Variants in ALX4 observed in about 807,000 individuals in gnomAD.
The protein encoded by ALX4 is ALX homeobox 4.
ALX4 carries 22 observed loss-of-function variants against 40.6 expected under a neutral mutation model. The ratio of observed to expected loss-of-function variants is 0.54; its 90% confidence interval spans 0.39 to 0.77. The LOEUF (loss-of-function observed/expected upper bound fraction) is 0.77. Among genes scored for constraint, ALX4 ranks in the 30% least tolerant of loss-of-function variants. The probability of loss-of-function intolerance (pLI) is 0.00; values close to 1 mark genes in which losing one functional copy is unlikely to be tolerated. For synonymous variants in ALX4, 266 were observed against 240.5 expected (o/e 1.11, Z -0.98); for missense variants, 556 against 564.8 (o/e 0.98, Z 0.16).
At chr11:44,299,254 T>A (rs1956421057) in intron 1 of ALX4, among the ~76,000 whole-genome samples, 1 of 151,956 alleles carries the variant, frequency 6.6e-6, no homozygotes, top group African/African-American at 2.4e-5. Context: ...CAGAGTCAGG[T>A]GTAGAACTTC....
chr11:44,278,938 G>A (rs1183909244), intron 1 of ALX4, among the ~76,000 whole-genome samples: 2 of 152,204 alleles, frequency 1.3e-5, no homozygotes, highest in African/African-American at 2.4e-5. Flanking sequence ...AACCTGTCTT[G>A]AGTCAGCTTG....
rs150180406 is a variant in ALX4 at position 44,274,541 on chromosome 11, T to G, written c.777+807A>C. Among the ~76,000 whole-genome samples, 8 of 152,274 alleles carry G rather than the reference T, an allele frequency of 5.3e-5. No individual in the cohort carries two copies. In the East Asian group the frequency reaches 1.5e-3, roughly 29 times the overall value. On this transcript the variant is annotated intron_variant, in intron 2 of 3. Coordinates refer to ENST00000652299, the MANE Select transcript of ALX4 (RefSeq NM_021926.4). Reference sequence around the variant, plus strand: ...TCCATTGGAATGTGTTATATTGGGTTGTGTTGTGTTGGAATGGGTTGAGTT... The same window carrying G: ...TCCATTGGAATGTGTTATATTGGGTGGTGTTGTGTTGGAATGGGTTGAGTT...
intron 1 of ALX4, among the ~76,000 whole-genome samples, chr11:44,291,725 C>G (rs1228305766): frequency 2.0e-5 from 3 of 152,140 alleles, no homozygotes; most frequent in Non-Finnish European, 4.4e-5. Context: ...AATTTCTTAG[C>G]CTGCAGAAGC....
At chr11:44,275,289 C>T in intron 2 of ALX4, 59 bp downstream of exon 2, 3 of 1,583,152 alleles carry the variant, frequency 1.9e-6, no homozygotes, top group Non-Finnish European at 2.6e-6. Flanking sequence ...CAACTGCAGC[C>T]AAGAGCCCAG....
In ALX4 at chr11:44,261,117, G is replaced by A; in HGVS notation, c.*3737C>T. 6.6e-6 allele frequency: 1 copy of A among 152,194 alleles called. No individual in the cohort carries two copies. The highest frequency in any genetic ancestry group is 1.5e-5 in the Non-Finnish European group (1 of 68,056). 9.4% of individuals were successfully genotyped at this position (152,194 alleles called of 1,614,324 possible). A position where few individuals can be genotyped will look rare whatever the true frequency, so the allele number is the denominator to read the frequency against. ...TATTTTTTAACTGGATAGTCACAGAGTATTATCCTGGGGGCCAGTTTACCA... is the reference window on the plus strand; with the variant it reads ...TATTTTTTAACTGGATAGTCACAGAATATTATCCTGGGGGCCAGTTTACCA... On this transcript the variant is annotated 3_prime_UTR_variant, in exon 4 of 4. Transcript: ENST00000652299.
rs1476323980 is a variant in ALX4, at chr11:44,264,896, C to T, written c.1194G>A (p.Met398Ile). ...TGGCCGCACTGTGCTCCTTGGCCTT[C>T]ATGCGGAGGGCCGCGATGCTCGAGG... ...RKTSSIAALR[M>I]KAKEHSAAIS... Residue 398 changes from methionine to isoleucine, a missense_variant, in exon 4 of 4, where the codon ATG (methionine) becomes ATA (isoleucine). By Grantham distance (10) the Met-to-Ile change is conservative. Coordinates refer to ENST00000652299, the MANE Select transcript of ALX4 (RefSeq NM_021926.4). 25 of 1,613,078 alleles carry T rather than the reference C, an allele frequency of 1.5e-5. No individual in the cohort carries two copies. The highest frequency in any genetic ancestry group is 1.9e-5 in the Non-Finnish European group (23 of 1,179,938).
At position 44,264,815 on chromosome 11, in the gene ALX4, C is replaced by T; in HGVS notation, c.*39G>A. 1 of 1,606,098 alleles carries T rather than the reference C, an allele frequency of 6.2e-7. No individual in the cohort carries two copies. Among genetic ancestry groups the T allele is most frequent in the Non-Finnish European group, 8.5e-7 (1 of 1,175,962 alleles). ...GGGCCTGGAAAACATGGGCGTGGCC[C>T]ATGGTGTCCCGAGGTGGGGACGGGG... On this transcript the variant is annotated 3_prime_UTR_variant, in exon 4 of 4. Transcript: ENST00000652299.
At chr11:44,287,627 A>G (rs963758684) in intron 1 of ALX4, among the ~76,000 whole-genome samples, 7 of 151,648 alleles carry the variant, frequency 4.6e-5, no homozygotes, top group African/African-American at 1.7e-4. Context: ...AAAAGAAAAC[A>G]AAAAACTGGT....
intron 1 of ALX4, among the ~76,000 whole-genome samples, chr11:44,307,327 G>T (rs867979432): frequency 6.6e-6 from 1 of 152,216 alleles, no homozygotes; most frequent in Non-Finnish European, 1.5e-5. Context: ...ACACTGCCAC[G>T]GGTTAGGGGC....
Position 44,263,216 on chromosome 11 carries a change from C to G in ALX4, c.*1638G>C, listed in dbSNP as rs1956192660. On this transcript the variant is annotated 3_prime_UTR_variant, in exon 4 of 4. Coordinates refer to ENST00000652299, the MANE Select transcript of ALX4 (RefSeq NM_021926.4). ...TGAGCATAGTGGGCCTGGCCCTACT[C>G]CATGACAGGAATCAAGGGAGAAGGT... 1 of 152,280 alleles carries G rather than the reference C, an allele frequency of 6.6e-6. No homozygotes were observed. The highest frequency in any genetic ancestry group is 6.5e-5 in the Admixed American group (1 of 15,284). The allele number at this position is 152,280 out of a possible 1,614,324, so 9.4% of individuals were successfully genotyped here.
intron 2 of ALX4, among the ~76,000 whole-genome samples, chr11:44,269,039 A>G (rs1321974589): frequency 6.6e-6 from 1 of 152,214 alleles, no homozygotes; most frequent in Non-Finnish European, 1.5e-5. Flanking sequence ...ATCCATCACG[A>G]CCAATGCAGC....
At chr11:44,301,578 T>C (rs867411625) in intron 1 of ALX4, among the ~76,000 whole-genome samples, 1 of 152,202 alleles carries the variant, frequency 6.6e-6, no homozygotes, top group Admixed American at 6.5e-5. Context: ...CTAAGGAGAC[T>C]GAGGCAGAAC....
intron 1 of ALX4, among the ~76,000 whole-genome samples, chr11:44,296,152 C>T (rs185494684): frequency 5.9e-5 from 9 of 152,218 alleles, no homozygotes; most frequent in Non-Finnish European, 1.3e-4. Context: ...CAGATGTAAA[C>T]TCTCAAATAC....
At position 44,265,034 on chromosome 11, in the gene ALX4, C is replaced by T. The variant is rs147215488; in HGVS notation, c.1056G>A (p.Val352=). The part of the protein sequence containing the change: ...GASSVTDFLS[V]SGAGSHVGQT... ...GGCCCACGTGACTGCCAGCCCCAGA[C>T]ACACTCAGGAAGTCGGTGACGCTGC... Residue 352 remains valine, a synonymous_variant, in exon 4 of 4, where the codon GTG becomes GTA. Transcript: ENST00000652299. 1.9e-6 allele frequency: 3 copies of T among 1,613,134 alleles called. No individual in the cohort carries two copies. The highest frequency in any genetic ancestry group is 2.5e-6 in the Non-Finnish European group (3 of 1,179,938).
intron 1 of ALX4, among the ~76,000 whole-genome samples, chr11:44,309,190 G>A (rs1203234208): frequency 1.4e-5 from 2 of 147,160 alleles, no homozygotes; most frequent in African/African-American, 5.2e-5. Flanking sequence ...TCGCAGCCCC[G>A]CAGCCCCGCA....
chr11:44,283,803 A>G (rs542135137), intron 1 of ALX4, among the ~76,000 whole-genome samples: 18 of 152,166 alleles, frequency 1.2e-4, no homozygotes, highest in Non-Finnish European at 2.4e-4. Context: ...GCCTCAAATG[A>G]TCCACCCGTC....
chr11:44,274,024 T>C (rs996505806), intron 2 of ALX4, among the ~76,000 whole-genome samples: 32 of 152,086 alleles, frequency 2.1e-4, no homozygotes, highest in Non-Finnish European at 2.9e-5. Flanking sequence ...CCTATAATTC[T>C]AGCACTTTGG....
chr11:44,274,596 G>T (rs552695814), intron 2 of ALX4, among the ~76,000 whole-genome samples: 1 of 152,214 alleles, frequency 6.6e-6, no homozygotes, highest in South Asian at 2.1e-4. Context: ...CCATTGTGTT[G>T]TGCTGGGTTG....
At chr11:44,285,406 A>G (rs58571693) in intron 1 of ALX4, among the ~76,000 whole-genome samples, 5,450 of 152,312 alleles carry the variant, frequency 0.036, 299 homozygotes, top group African/African-American at 0.13. Flanking sequence ...TTGGGCTCAC[A>G]GGTTTCTACT....
Sources: allele counts gnomAD v4.1 joint callset (sites outside exome capture counted in the v4.1 genomes callset), GRCh38; gene constraint gnomAD v4.1.1; transcripts MANE v1.5; gene names NCBI Gene and HGNC (gene_info 2026-07-23, HGNC 2026-07-21).